The following ZNF385D variants were observed in gnomAD, a reference collection of about 807,000 sequenced individuals.
ZNF385D encodes zinc finger protein 659.
A neutral mutation model predicts 35.8 loss-of-function variants in ZNF385D; 15 were observed. The ratio of observed to expected loss-of-function variants is 0.42; its 90% confidence interval spans 0.28 to 0.64. The LOEUF is 0.64. Ranked by LOEUF, ZNF385D falls within the 30% of genes least tolerant of loss-of-function variation. The pLI, the probability that ZNF385D is intolerant of heterozygous loss-of-function variation, is 0.23. For synonymous variants in ZNF385D, 212 were observed against 186.8 expected, an observed-to-expected ratio of 1.13 and a Z score of -1.10; for missense variants, 474 against 494.6, an observed-to-expected ratio of 0.96 and a Z score of 0.39.
At chr3:22,330,568 T>A (rs1024439679) in intron 2 of ZNF385D, among the ~76,000 whole-genome samples, 3 of 152,136 alleles carry the variant, frequency 2.0e-5, no homozygotes, top group African/African-American at 7.2e-5. Flanking sequence ...AGGGCCCCCG[T>A]CTGCTGTGAT....
intron 3 of ZNF385D, among the ~76,000 whole-genome samples, chr3:21,888,227 T>C (rs534335622): frequency 9.8e-5 from 15 of 152,336 alleles, no homozygotes; most frequent in African/African-American, 3.6e-4. Flanking sequence ...TAAATAACTA[T>C]GTGGAACTTA....
At chr3:22,145,030 G>GTGTT (rs940236908) in intron 3 of ZNF385D, among the ~76,000 whole-genome samples, 2 of 151,956 alleles carry the variant, frequency 1.3e-5, no homozygotes, top group African/African-American at 4.8e-5. Context: ...GTGTGTGTGT[G>GTGTT]TGTGTGTGTA....
intron 3 of ZNF385D, among the ~76,000 whole-genome samples, chr3:22,086,042 G>A (rs75015586): frequency 6.6e-6 from 1 of 152,146 alleles, no homozygotes; most frequent in East Asian, 1.9e-4. Flanking sequence ...AGGTGTTGAT[G>A]GCACATATCT....
At chr3:22,144,379 G>C (rs1704711905) in intron 3 of ZNF385D, among the ~76,000 whole-genome samples, 1 of 151,948 alleles carries the variant, frequency 6.6e-6, no homozygotes, top group Admixed American at 6.6e-5. Context: ...TTTGAGACTA[G>C]CCTGGCCAAT....
intron 4 of ZNF385D, among the ~76,000 whole-genome samples, chr3:21,461,174 T>C (rs991550119): frequency 1.3e-5 from 2 of 152,202 alleles, no homozygotes; most frequent in African/African-American, 4.8e-5. Context: ...ACTCTCTGCC[T>C]TTCATCTTCA....
chr3:22,216,593 A>C (rs930276534), intron 2 of ZNF385D, among the ~76,000 whole-genome samples: 10 of 152,144 alleles, frequency 6.6e-5, no homozygotes, highest in African/African-American at 2.4e-4. Flanking sequence ...TTTCGTTTTG[A>C]TTTAAAAAGT....
At chr3:21,836,262 A>G (rs1695323802) in intron 3 of ZNF385D, among the ~76,000 whole-genome samples, 1 of 152,130 alleles carries the variant, frequency 6.6e-6, no homozygotes. Context: ...AGGCGCATTA[A>G]ATCATTTTCG....
chr3:22,311,744 T>C (rs1242367312), intron 2 of ZNF385D, among the ~76,000 whole-genome samples: 1 of 152,102 alleles, frequency 6.6e-6, no homozygotes, highest in Admixed American at 6.6e-5. Context: ...GCTCTCCTAT[T>C]ACGACACAAA....
chr3:21,571,547 A>T (rs1316647973), intron 2 of ZNF385D, among the ~76,000 whole-genome samples: 1 of 152,132 alleles, frequency 6.6e-6, no homozygotes, highest in Admixed American at 6.6e-5. Flanking sequence ...AATGGTTGTT[A>T]CAGTACTGCA....
chr3:22,080,521 A>G (rs772469334), intron 3 of ZNF385D, among the ~76,000 whole-genome samples: 7 of 152,144 alleles, frequency 4.6e-5, no homozygotes, highest in Admixed American at 4.6e-4. Flanking sequence ...CACTCAGTAT[A>G]TAACAGTTAT....
At chr3:21,904,438 A>G (rs951784260) in intron 3 of ZNF385D, among the ~76,000 whole-genome samples, 4 of 152,008 alleles carry the variant, frequency 2.6e-5, no homozygotes, top group African/African-American at 9.7e-5. Context: ...CTGAATATGT[A>G]TTTTAAAAAA....
At chr3:22,181,294 C>T (rs1266559903) in intron 2 of ZNF385D, among the ~76,000 whole-genome samples, 1 of 152,074 alleles carries the variant, frequency 6.6e-6, no homozygotes, top group Non-Finnish European at 1.5e-5. Context: ...CTAACAGTGG[C>T]ACATATACTC....
chr3:22,184,773 G>A (rs1170112701), intron 2 of ZNF385D, among the ~76,000 whole-genome samples: 2 of 152,006 alleles, frequency 1.3e-5, no homozygotes, highest in Non-Finnish European at 2.9e-5. Flanking sequence ...TTGCACTCCA[G>A]CCCGGGTGAC....
At chr3:22,021,290 T>C (rs926907632) in intron 3 of ZNF385D, among the ~76,000 whole-genome samples, 5 of 152,126 alleles carry the variant, frequency 3.3e-5, no homozygotes, top group Admixed American at 2.0e-4. Context: ...GCATCCAGTG[T>C]CATACTAAAT....
At chr3:22,293,248 G>A (rs1296241320) in intron 2 of ZNF385D, among the ~76,000 whole-genome samples, 1 of 152,098 alleles carries the variant, frequency 6.6e-6, no homozygotes, top group East Asian at 1.9e-4. Flanking sequence ...CATTATTAGG[G>A]CAACCAGGAG....
intron 3 of ZNF385D, among the ~76,000 whole-genome samples, chr3:22,089,382 A>C (rs2125598530): frequency 6.6e-6 from 1 of 152,334 alleles, no homozygotes; most frequent in South Asian, 2.1e-4. Context: ...GTAGATATTA[A>C]GCTTTGTCAG....
chr3:22,224,604 T>C (rs745430007), intron 2 of ZNF385D, among the ~76,000 whole-genome samples: 11 of 152,150 alleles, frequency 7.2e-5, no homozygotes. Flanking sequence ...TACAGTGATG[T>C]ACAAGCTGGG....
chr3:22,245,478 C>CAAAAAAAAAAAAAAAAAA (rs10576851), intron 2 of ZNF385D, among the ~76,000 whole-genome samples: 1 of 124,372 alleles, frequency 8.0e-6, no homozygotes. Flanking sequence ...CAGGATAAGC[C>CAAAAAAAAAAAAAAAAAA]AAAAAAAAAA....
intron 3 of ZNF385D, among the ~76,000 whole-genome samples, chr3:21,891,033 C>G (rs983020227): frequency 6.6e-6 from 1 of 152,062 alleles, no homozygotes; most frequent in Admixed American, 6.5e-5. Context: ...TTGGATTTTA[C>G]CTTTGACAAT....
Sources: allele counts gnomAD v4.1 joint callset (sites outside exome capture counted in the v4.1 genomes callset), GRCh38; gene constraint gnomAD v4.1.1; transcripts MANE v1.5; gene names NCBI Gene and HGNC (gene_info 2026-07-23, HGNC 2026-07-21).